Variants in MAST2 observed in about 807,000 individuals in gnomAD.
The protein encoded by MAST2 is microtubule-associated serine/threonine-protein kinase 2.
Under a neutral mutation model 147.4 loss-of-function variants are expected in MAST2, and 70 were observed. The observed-to-expected ratio is 0.47, with a 90% CI of 0.39 to 0.58. The LOEUF (loss-of-function observed/expected upper bound fraction) is 0.58, where lower values mean the gene tolerates loss of function less well. Ranked by LOEUF, MAST2 falls within the 20% of genes least tolerant of loss-of-function variation. The pLI is 0.00. For synonymous variants in MAST2, 869 were observed against 896.8 expected (o/e 0.97, Z 0.55); for missense variants, 2,080 against 2,302.3 (o/e 0.90, Z 1.98).
At chr1:45,895,982 G>A (rs1043580547) in intron 4 of MAST2, among the ~76,000 whole-genome samples, 16 of 151,304 alleles carry the variant, frequency 1.1e-4, no homozygotes, top group Admixed American at 7.9e-4. Flanking sequence ...CTTGTAAATT[G>A]TATTCTTTTA....
intron 3 of MAST2, among the ~76,000 whole-genome samples, chr1:45,831,926 C>T (rs935569384): frequency 6.6e-6 from 1 of 151,652 alleles, no homozygotes; most frequent in African/African-American, 2.4e-5. Flanking sequence ...ATTACAGGTG[C>T]GTACCACTAC....
At position 46,010,763 on chromosome 1, in the gene MAST2, T is replaced by G; in HGVS notation, c.1012T>G (p.Phe338Val). ...ACAAATGGAAGAGCGACTAGCAGAG[T>G]TTATTTCCTCCAACACTCCAGACAG... ...TAQMEERLAE[F>V]ISSNTPDSVL... The change falls in exon 10 of 29, where the codon TTT becomes GTT. Residue 338 changes from phenylalanine (F) to valine (V), a missense_variant. By Grantham distance (50) the Phe-to-Val change is conservative. Coordinates refer to ENST00000361297, the MANE Select transcript of MAST2 (RefSeq NM_015112.3). 1.2e-6 allele frequency: 2 copies of G among 1,613,898 alleles called. 1 individual carries two copies. The highest frequency in any genetic ancestry group is 1.7e-6 in the Non-Finnish European group (2 of 1,179,972).
At chr1:45,979,018 T>C (rs1191601724) in intron 5 of MAST2, among the ~76,000 whole-genome samples, 2 of 152,108 alleles carry the variant, frequency 1.3e-5, no homozygotes, top group Non-Finnish European at 1.5e-5. Context: ...ATGAAAGTTA[T>C]ATCTCACTTT....
Position 46,035,125 on chromosome 1 carries a change from G to A in MAST2, c.4456G>A (p.Ala1486Thr). The A allele has an allele frequency of 6.2e-7, 1 of 1,613,714 alleles. No individual in the cohort carries two copies. Among genetic ancestry groups the A allele is most frequent in the Admixed American group, 1.7e-5 (1 of 60,030 alleles). Residue 1486 changes from alanine (A) to threonine (T), a missense_variant, in exon 29 of 29, where the codon GCC becomes ACC. By Grantham distance (58) the Ala-to-Thr change is moderately conservative (BLOSUM62 0). This residue lies in a region of MAST2 where 1,278 missense variants were observed against 1,304.2 expected (regional missense o/e 0.98). Transcript: ENST00000361297. The surrounding 1 kb of genome is among the most constrained non-coding windows in gnomAD (Gnocchi z 5.5). ...RALGTLRQDR[A>T]ERRESLQKQE... ...CCTAGGCACCCTCCGGCAGGACCGA[G>A]CCGAACGACGGGAGTCGCTGCAGAA...
intron 17 of MAST2, among the ~76,000 whole-genome samples, chr1:46,028,312 C>T (rs1054490183): frequency 2.0e-5 from 3 of 152,232 alleles, no homozygotes; most frequent in African/African-American, 7.2e-5. Context: ...GGGCAAGGCT[C>T]TCCTGGAGCC....
intron 1 of MAST2, 50 bp from the exon 2 acceptor site, chr1:45,824,383 C>G (rs1644728093): frequency 1.4e-6 from 2 of 1,453,594 alleles, no homozygotes; most frequent in East Asian, 4.6e-5. Context: ...AGTTTTTATA[C>G]TTCAGAGGAG....
chr1:45,925,533 G>C (rs1224505495), intron 4 of MAST2, among the ~76,000 whole-genome samples: 2 of 152,186 alleles, frequency 1.3e-5, no homozygotes, highest in Non-Finnish European at 2.9e-5. Flanking sequence ...CTTGAAGAGA[G>C]GAGGCAGTTG....
intron 5 of MAST2, among the ~76,000 whole-genome samples, chr1:45,989,353 C>A (rs1384888386): frequency 6.6e-6 from 1 of 152,160 alleles, no homozygotes; most frequent in Non-Finnish European, 1.5e-5. Context: ...CCTTGAGAAA[C>A]AACTTTATCA....
intron 1 of MAST2, among the ~76,000 whole-genome samples, chr1:45,811,352 T>TTC (rs1349903741): frequency 6.7e-6 from 1 of 148,450 alleles, no homozygotes; most frequent in Non-Finnish European, 1.5e-5. Context: ...TTTTTTTTTT[T>TTC]TTTTGAGACG....
intron 4 of MAST2, among the ~76,000 whole-genome samples, chr1:45,885,381 G>A (rs548676638): frequency 6.6e-6 from 1 of 152,072 alleles, no homozygotes; most frequent in Non-Finnish European, 1.5e-5. Context: ...GAGCGTTTTT[G>A]TTAATTAATT....
chr1:45,907,828 T>C lies in MAST2; in HGVS notation c.500+25433T>C, dbSNP rs570355425. On this transcript the variant is annotated intron_variant, in intron 4 of 28. Coordinates refer to ENST00000361297, the MANE Select transcript of MAST2 (RefSeq NM_015112.3). ...AGTGGAATCATATAGTATTGTTCAT[T>C]TGTGTCTGGCTTATGTCACTTAGCA... is the stretch of plus-strand genomic sequence containing the variant. Among the ~76,000 whole-genome samples, 3 of 152,348 alleles carry C rather than the reference T, an allele frequency of 2.0e-5. No homozygotes were observed. The East Asian group carries it at 5.8e-4, about 29-fold the overall frequency.
chr1:45,849,221 A>G (rs973008360), intron 3 of MAST2, among the ~76,000 whole-genome samples: 2 of 152,240 alleles, frequency 1.3e-5, no homozygotes, highest in African/African-American at 4.8e-5. Context: ...TCACAGAACT[A>G]GAAAAAACGA....
chr1:45,805,978 T>G (rs1268367351), intron 1 of MAST2, among the ~76,000 whole-genome samples: 3 of 152,260 alleles, frequency 2.0e-5, no homozygotes, highest in Non-Finnish European at 4.4e-5. Flanking sequence ...GCTTCTTCAC[T>G]TATGCTTTCC....
intron 4 of MAST2, among the ~76,000 whole-genome samples, chr1:45,886,757 G>T (rs1647108372): frequency 6.6e-6 from 1 of 152,094 alleles, no homozygotes; most frequent in Non-Finnish European, 1.5e-5. Flanking sequence ...GGCTTTTCTT[G>T]CCCAATGCTA....
intron 4 of MAST2, among the ~76,000 whole-genome samples, chr1:45,900,159 G>GAC: frequency 2.0e-5 from 2 of 100,622 alleles, no homozygotes; most frequent in Non-Finnish European, 3.5e-5. Context: ...GACAGAGCGA[G>GAC]ACTCTCTCTC....
intron 4 of MAST2, among the ~76,000 whole-genome samples, chr1:45,934,985 C>T (rs1655967694): frequency 6.6e-6 from 1 of 152,218 alleles, no homozygotes; most frequent in Non-Finnish European, 1.5e-5. Flanking sequence ...AAACTGCTTT[C>T]CACAGAGGCT....
intron 1 of MAST2, among the ~76,000 whole-genome samples, chr1:45,808,270 G>A (rs940936614): frequency 6.6e-6 from 1 of 151,822 alleles, no homozygotes; most frequent in Non-Finnish European, 1.5e-5. Flanking sequence ...TTGCTCTGTC[G>A]CCCAGGCTGG....
chr1:46,010,938 A>G lies in MAST2; in HGVS notation c.1187A>G (p.Asp396Gly). 1 of 1,612,824 alleles carries G rather than the reference A, an allele frequency of 6.2e-7. No individual in the cohort carries two copies. Among genetic ancestry groups the G allele is most frequent in the South Asian group, 1.1e-5 (1 of 91,038 alleles). The stretch of plus-strand genomic sequence containing the variant: ...GATAATTTGGAGAAACTTTTACAAG[A>G]TGTGAGTGTCCTTGTGCTGGGGTTC... Reference protein sequence around the residue: ...LQDNLEKLLQDAHERSESSEV... With the variant: ...LQDNLEKLLQGAHERSESSEV... Residue 396 changes from aspartate (D) to glycine (G), a missense_variant and splice_region_variant, in exon 10 of 29, where the codon GAT becomes GGT. Around this residue, in one of 4 missense-constraint regions of MAST2, gnomAD observed 569 missense variants for 642.5 expected, o/e 0.89. Transcript: ENST00000361297.
intron 5 of MAST2, among the ~76,000 whole-genome samples, chr1:45,983,539 G>A (rs2149072628): frequency 6.7e-6 from 1 of 148,718 alleles, no homozygotes; most frequent in Middle Eastern, 3.5e-3. Context: ...TACCCAGGCT[G>A]GAGTGCAGTG....
Sources: allele counts gnomAD v4.1 joint callset (sites outside exome capture counted in the v4.1 genomes callset), GRCh38; gene constraint gnomAD v4.1.1; regional missense constraint gnomAD v4.1.1; non-coding constraint Gnocchi (gnomAD v3.1); transcripts MANE v1.5; gene names NCBI Gene and HGNC (gene_info 2026-07-23, HGNC 2026-07-21).